The following UGT1A10 variants were observed in gnomAD, a reference collection of about 807,000 sequenced individuals.
UGT1A10 encodes the protein UDP-glucuronosyltransferase 1A10.
A neutral mutation model predicts 45.8 loss-of-function variants in UGT1A10; 49 were observed. That is an observed-to-expected ratio of 1.07 (90% CI 0.85 to 1.36). The LOEUF is 1.36. Ranked by LOEUF, UGT1A10 falls within the 40% of genes most tolerant of loss-of-function variation. UGT1A10 has a pLI of 0.00. For synonymous variants in UGT1A10, 284 were observed against 249.7 expected (o/e 1.14, Z -1.29); for missense variants, 745 against 668.6 (o/e 1.11, Z -1.26).
rs112628426 is a variant in UGT1A10 at position 233,767,948 on chromosome 2, G to A, written c.1075+12G>A. ...AAACGATCTGCTTGGTATGTTGGGC[G>A]GATTGGATGTATAGGTCAAACCAGG... On this transcript the variant is annotated intron_variant, in intron 3 of 4. Transcript: ENST00000344644. 87 of 1,614,164 alleles carry A rather than the reference G, an allele frequency of 5.4e-5. No individual in the cohort carries two copies. The highest frequency in any genetic ancestry group is 6.2e-5 in the Non-Finnish European group (73 of 1,180,040).
chr2:233,667,061 TG>T (rs2074094692), intron 1 of UGT1A10, among the ~76,000 whole-genome samples: 1 of 152,198 alleles, frequency 6.6e-6, no homozygotes, highest in African/African-American at 2.4e-5. Flanking sequence ...GTTGGACATT[TG>T]GGTTGGTTCC....
intron 1 of UGT1A10, among the ~76,000 whole-genome samples, chr2:233,751,403 T>G (rs1694718342): frequency 6.6e-6 from 1 of 152,162 alleles, no homozygotes; most frequent in Admixed American, 6.5e-5. Flanking sequence ...GACTTTGGAC[T>G]ATGGACTTTT....
intron 1 of UGT1A10, among the ~76,000 whole-genome samples, chr2:233,649,566 G>A (rs13431913): frequency 0.026 from 3,931 of 152,218 alleles, 165 homozygotes; most frequent in African/African-American, 0.089. Flanking sequence ...TGGACATGTT[G>A]TTCTTTACTA....
In UGT1A10 at chr2:233,772,933, T is replaced by C. The variant is rs1700557835; in HGVS notation, c.*374T>C. On this transcript the variant is annotated 3_prime_UTR_variant, in exon 5 of 5. Coordinates refer to ENST00000344644, the MANE Select transcript of UGT1A10 (RefSeq NM_019075.4). ...ACTGCAAATGGCAGTTTTAATCTTA[T>C]CTTTTGGCTTCTGCAGATGGTTGCA... is the stretch of plus-strand genomic sequence containing the variant. 2 of 341,712 alleles carry C rather than the reference T, an allele frequency of 5.9e-6. No homozygotes were observed. Among genetic ancestry groups the C allele is most frequent in the East Asian group, 7.7e-5 (1 of 13,004 alleles). The allele number at this position is 341,712 out of a possible 1,614,324, so 21.2% of individuals were successfully genotyped here.
At chr2:233,757,560 A>ATATATATATATATATATATG (rs904896556) in intron 1 of UGT1A10, among the ~76,000 whole-genome samples, 15 of 123,136 alleles carry the variant, frequency 1.2e-4, no homozygotes, top group African/African-American at 5.1e-4. Context: ...ATATATATAT[A>ATATATATATATATATATATG]TGTATATATG....
chr2:233,691,493 C>T, intron 1 of UGT1A10: 1 of 985,764 alleles, frequency 1.0e-6, no homozygotes, highest in Non-Finnish European at 1.2e-6. Context: ...TGGGTGGGAA[C>T]AGGAACTCGC....
intron 1 of UGT1A10, among the ~76,000 whole-genome samples, chr2:233,684,791 C>G (rs2125530049): frequency 6.6e-6 from 1 of 152,178 alleles, no homozygotes; most frequent in South Asian, 2.1e-4. Context: ...GCAAAGAGCC[C>G]TGGATATGGC....
rs34354669 is a variant in UGT1A10 at position 233,668,059 on chromosome 2, AT to A, written c.855+30691del. On this transcript the variant is annotated intron_variant, in intron 1 of 4. Transcript: ENST00000344644. ...TGCTAAATGTTAGTTTACTGTGCAC[AT>A]TTTTTTTTATTATACTTTAAGTTCT... is the stretch of plus-strand genomic sequence containing the variant. Among the ~76,000 whole-genome samples the A allele has an allele frequency of 4.6e-5, 7 of 151,370 alleles. 1 individual carries two copies. The highest frequency in any genetic ancestry group is 2.1e-4 in the South Asian group (1 of 4,792).
At chr2:233,766,684 A>G (rs935932983) in intron 1 of UGT1A10, among the ~76,000 whole-genome samples, 1 of 152,094 alleles carries the variant, frequency 6.6e-6, no homozygotes, top group Non-Finnish European at 1.5e-5. Flanking sequence ...TCCCTTCTGT[A>G]TCACTGATGC....
At chr2:233,713,026 T>G in intron 1 of UGT1A10, 1 of 1,613,848 alleles carries the variant, frequency 6.2e-7, no homozygotes, top group Non-Finnish European at 8.5e-7. Context: ...CTGCCGCAGC[T>G]GGCCACAGGA....
intron 1 of UGT1A10, chr2:233,742,951 A>G (rs1692147451): frequency 4.7e-6 from 1 of 213,770 alleles, no homozygotes; most frequent in East Asian, 1.2e-4. Flanking sequence ...ACTAGCAAAT[A>G]ATCATTGTCT....
intron 1 of UGT1A10, among the ~76,000 whole-genome samples, chr2:233,709,406 C>T (rs1395149739): frequency 1.3e-5 from 2 of 152,072 alleles, no homozygotes; most frequent in Non-Finnish European, 2.9e-5. Context: ...TATGGGTGAA[C>T]ACTCAATAAG....
chr2:233,641,159 GCTGA>G (rs765238754), intron 1 of UGT1A10, among the ~76,000 whole-genome samples: 11 of 152,064 alleles, frequency 7.2e-5, no homozygotes, highest in Non-Finnish European at 1.6e-4. Flanking sequence ...CTCTTCTCTT[GCTGA>G]CTATCTTGCA....
At chr2:233,698,567 G>T (rs2075448445) in intron 1 of UGT1A10, among the ~76,000 whole-genome samples, 1 of 152,166 alleles carries the variant, frequency 6.6e-6, no homozygotes, top group Admixed American at 6.5e-5. Context: ...TTAAGAACAT[G>T]TTTAATTTCA....
At chr2:233,642,389 A>G (rs543341146) in intron 1 of UGT1A10, among the ~76,000 whole-genome samples, 1 of 152,254 alleles carries the variant, frequency 6.6e-6, no homozygotes, top group African/African-American at 2.4e-5. Flanking sequence ...TCTTTGTTAA[A>G]TTTATATGCT....
chr2:233,648,980 T>A (rs1292000819), intron 1 of UGT1A10: 3 of 1,434,272 alleles, frequency 2.1e-6, no homozygotes, highest in Non-Finnish European at 1.9e-6. Flanking sequence ...CCCAATATGA[T>A]CTTCATTGGT....
chr2:233,692,889 G>C (rs539010798), intron 1 of UGT1A10: 13 of 1,521,482 alleles, frequency 8.5e-6, no homozygotes, highest in African/African-American at 8.3e-5. Flanking sequence ...CAGAGCAAGG[G>C]AGAGGTAGAC....
At chr2:233,732,592 G>T (rs1029582982) in intron 1 of UGT1A10, among the ~76,000 whole-genome samples, 1 of 152,094 alleles carries the variant, frequency 6.6e-6, no homozygotes, top group African/African-American at 2.4e-5. Flanking sequence ...TTTTTGTCAG[G>T]TTTGTCAAAG....
chr2:233,757,904 G>A (rs539067389), intron 1 of UGT1A10, among the ~76,000 whole-genome samples: 3 of 152,170 alleles, frequency 2.0e-5, no homozygotes, highest in African/African-American at 4.8e-5. Context: ...TTCCATGGAC[G>A]TGTCACTCTT....
Sources: gnomAD v4.1 joint callset for allele counts (sites outside exome capture counted in the v4.1 genomes callset) on GRCh38, gnomAD v4.1.1 for gene constraint, MANE v1.5 for transcripts, NCBI Gene and HGNC (gene_info 2026-07-23, HGNC 2026-07-21) for gene names.